PCM1: variants seen among roughly 807,000 people sequenced by gnomAD.
The protein encoded by PCM1 is pericentriolar material 1.
Under a neutral mutation model 241.9 loss-of-function variants are expected in PCM1, and 157 were observed. The observed-to-expected ratio is 0.65, with a 90% confidence interval of 0.57 to 0.74. The LOEUF is 0.74. Among genes scored for constraint, PCM1 ranks in the 30% least tolerant of loss-of-function variants. PCM1 has a pLI of 0.00. For missense variants in PCM1, 3,478 were observed against 2,360.1 expected (o/e 1.47, Z -9.81); for synonymous variants, 1,085 against 784.9 (o/e 1.38, Z -6.39).
chr8:18,024,479 G>T (rs966257804), intron 36 of PCM1, among the ~76,000 whole-genome samples: 6 of 152,076 alleles, frequency 3.9e-5, no homozygotes, highest in Admixed American at 3.9e-4. Context: ...TAACTCTTTT[G>T]TTTGCCTCAC....
intron 38 of PCM1, among the ~76,000 whole-genome samples, chr8:18,026,432 G>C (rs137915348): frequency 6.7e-6 from 1 of 150,324 alleles, no homozygotes; most frequent in African/African-American, 2.4e-5. Context: ...TGATTTTTTT[G>C]TATTTTTTAA....
chr8:18,021,324 C>A (rs917435076), intron 36 of PCM1, among the ~76,000 whole-genome samples: 1 of 152,168 alleles, frequency 6.6e-6, no homozygotes, highest in Non-Finnish European at 1.5e-5. Flanking sequence ...TGGCTTACAG[C>A]AGTGTGGCTT....
In PCM1 at chr8:17,991,539, T is replaced by G. The variant is rs1431696741; in HGVS notation, c.4532-3T>G. 7 of 1,585,922 alleles carry G rather than the reference T, an allele frequency of 4.4e-6. No individual in the cohort carries two copies. In the African/African-American group the frequency reaches 6.7e-5, roughly 15 times the overall value. ...TCAAAAAATATTTTTGTTCCAAATG[T>G]AGGTAACACCGTGATTCACTTAGAT... On this transcript the variant is annotated splice_region_variant and splice_polypyrimidine_tract_variant and intron_variant, in intron 27 of 38. Transcript: ENST00000325083.
chr8:17,964,434 G>C (rs1283789917), intron 17 of PCM1, 134 bp from the exon 18 acceptor site: 2 of 635,874 alleles, frequency 3.1e-6, no homozygotes, highest in Admixed American at 3.0e-5. Context: ...CCGTAGCATA[G>C]TTATTGTGAT....
At chr8:17,948,528 C>G (rs1031515331) in intron 7 of PCM1, among the ~76,000 whole-genome samples, 1 of 152,010 alleles carries the variant, frequency 6.6e-6, no homozygotes, top group Non-Finnish European at 1.5e-5. Flanking sequence ...TGGTCTTGAA[C>G]TCCTGACCTT....
chr8:17,947,444 A>C (rs1290229016), intron 7 of PCM1, 81 bp downstream of exon 7: 1 of 979,690 alleles, frequency 1.0e-6, no homozygotes, highest in Non-Finnish European at 1.5e-6. Context: ...TGATTATTAC[A>C]TAATCAGATC....
At chr8:17,951,927 A>C (rs1451389677) in intron 8 of PCM1, among the ~76,000 whole-genome samples, 1 of 152,102 alleles carries the variant, frequency 6.6e-6, no homozygotes, top group Admixed American at 6.6e-5. Context: ...ATAATTAAAA[A>C]AAATTTAAAA....
At position 18,014,640 on chromosome 8, in the gene PCM1, C is replaced by G; in HGVS notation, c.5641C>G (p.Gln1881Glu). 1 of 1,613,180 alleles carries G rather than the reference C, an allele frequency of 6.2e-7. No individual in the cohort carries two copies. Among genetic ancestry groups the G allele is most frequent in the Non-Finnish European group, 8.5e-7 (1 of 1,179,366 alleles). ...PCYLNILEDE[Q>E]PLNSAAHKES... ...TTACCTCAATATCTTGGAAGATGAG[C>G]AACCTTTAAATAGTGCTGCCCATAA... The change falls in exon 36 of 39, where the codon CAA becomes GAA. Residue 1881 changes from glutamine (Q) to glutamate (E), a missense_variant. By Grantham distance (29) the Gln-to-Glu change is conservative (BLOSUM62 2). Transcript: ENST00000325083.
chr8:17,997,630 G>A (rs1233463248), intron 29 of PCM1, among the ~76,000 whole-genome samples: 2 of 152,004 alleles, frequency 1.3e-5, no homozygotes, highest in Non-Finnish European at 2.9e-5. Flanking sequence ...AGAGATTGAT[G>A]CATTCTTTAG....
chr8:17,939,568 C>A (rs2061434894), intron 5 of PCM1, 123 bp from the exon 6 acceptor site: 2 of 490,472 alleles, frequency 4.1e-6, no homozygotes, highest in African/African-American at 2.0e-5. Context: ...ACACAATAAT[C>A]CAAGTGTCTT....
At chr8:18,016,291 A>G (rs561884982) in intron 36 of PCM1, among the ~76,000 whole-genome samples, 2 of 152,048 alleles carry the variant, frequency 1.3e-5, no homozygotes, top group South Asian at 4.2e-4. Flanking sequence ...TTAGAAAGAT[A>G]GGGTATTATG....
At chr8:17,983,398 A>G (rs1012626603) in intron 24 of PCM1, 4 of 423,310 alleles carry the variant, frequency 9.4e-6, no homozygotes, top group East Asian at 5.9e-5. Flanking sequence ...CTGAGAGTAT[A>G]TATGTTATGT....
At chr8:17,958,220 A>T (rs2069618670) in intron 13 of PCM1, among the ~76,000 whole-genome samples, 1 of 152,146 alleles carries the variant, frequency 6.6e-6, no homozygotes, top group African/African-American at 2.4e-5. Flanking sequence ...GGTTAAAGAG[A>T]TCTTAATTGC....
intron 2 of PCM1, among the ~76,000 whole-genome samples, chr8:17,931,296 C>CTT (rs1229238796): frequency 6.9e-6 from 1 of 145,600 alleles, no homozygotes; most frequent in Admixed American, 6.9e-5. Flanking sequence ...CAGATATATT[C>CTT]TTTTTTTTTT....
chr8:17,946,789 C>G (rs1408594376), intron 6 of PCM1, among the ~76,000 whole-genome samples: 1 of 151,658 alleles, frequency 6.6e-6, no homozygotes. Context: ...AGGTCATTAA[C>G]CCAGTATAAT....
At chr8:18,000,874 G>T (rs1240846488) in intron 29 of PCM1, among the ~76,000 whole-genome samples, 1 of 152,184 alleles carries the variant, frequency 6.6e-6, no homozygotes, top group Non-Finnish European at 1.5e-5. Context: ...CTCCCAAAGT[G>T]CTGGGATTAT....
At chr8:17,955,032 C>T (rs1563877943) in intron 9 of PCM1, among the ~76,000 whole-genome samples, 1 of 152,086 alleles carries the variant, frequency 6.6e-6, no homozygotes, top group East Asian at 1.9e-4. Flanking sequence ...TACAGCTACC[C>T]TGTAAAGATT....
At chr8:17,959,354 G>A (rs1225001930) in intron 13 of PCM1, among the ~76,000 whole-genome samples, 2 of 151,398 alleles carry the variant, frequency 1.3e-5, no homozygotes, top group Non-Finnish European at 2.9e-5. Flanking sequence ...ATAGTTATTT[G>A]TAGCTGCAGT....
At chr8:17,994,715 T>TTATAGTTTTCATTGTAGAGATC (rs1564250858) in intron 29 of PCM1, among the ~76,000 whole-genome samples, 2 of 151,906 alleles carry the variant, frequency 1.3e-5, no homozygotes, top group African/African-American at 4.9e-5. Flanking sequence ...ATTGCCTGTC[T>TTATAGTTTTCATTGTAGAGATC]TTGGGATAAG....
Sources: gnomAD v4.1 joint callset for allele counts (sites outside exome capture counted in the v4.1 genomes callset) on GRCh38, gnomAD v4.1.1 for gene constraint, MANE v1.5 for transcripts, NCBI Gene and HGNC (gene_info 2026-07-23, HGNC 2026-07-21) for gene names.